The following ADAMTSL1 variants were observed in gnomAD, a reference collection of about 807,000 sequenced individuals.
ADAMTSL1 encodes ADAMTS like 1.
In ADAMTSL1, 126 loss-of-function variants were observed where a neutral mutation model predicts 201.8. The ratio of observed to expected loss-of-function variants is 0.62; its 90% confidence interval spans 0.54 to 0.72. The LOEUF is 0.72. ADAMTSL1 is among the 30% of genes least tolerant of loss of function. The pLI, the probability that ADAMTSL1 is intolerant of heterozygous loss-of-function variation, is 0.00. For synonymous variants in ADAMTSL1, 1,121 were observed against 903.4 expected, an observed-to-expected ratio of 1.24 and a Z score of -4.32; for missense variants, 2,679 against 2,277.8, an observed-to-expected ratio of 1.18 and a Z score of -3.59.
intron 2 of ADAMTSL1, among the ~76,000 whole-genome samples, chr9:18,221,758 C>T (rs1289953086): frequency 6.6e-6 from 1 of 151,892 alleles, no homozygotes; most frequent in Non-Finnish European, 1.5e-5. Flanking sequence ...TGTGTGTTAT[C>T]CAGTTGTTGC....
intron 21 of ADAMTSL1, among the ~76,000 whole-genome samples, chr9:18,818,316 C>T (rs1220400887): frequency 1.3e-5 from 2 of 152,110 alleles, no homozygotes; most frequent in South Asian, 2.1e-4. Context: ...AGTGGCACCC[C>T]CATGCTTTGG....
At position 18,011,476 on chromosome 9, in the gene ADAMTSL1, C is replaced by T. The variant is rs572226183; in HGVS notation, c.87+104554C>T. 2.6e-5 allele frequency among the ~76,000 whole-genome samples: 4 copies of T among 152,060 alleles called. No individual in the cohort carries two copies. The South Asian group carries it at 6.2e-4, about 24-fold the overall frequency. ...GCCTAGGAGAGGATGGAAGATGGCA[C>T]GGAACCGCCCCAGCACTGATGCTGA... On this transcript the variant is annotated intron_variant, in intron 1 of 29. Coordinates refer to the ADAMTSL1 transcript ENST00000680146.
chr9:18,269,121 C>T (rs915815881), intron 2 of ADAMTSL1, among the ~76,000 whole-genome samples: 6 of 152,030 alleles, frequency 3.9e-5, no homozygotes, highest in Non-Finnish European at 5.9e-5. Flanking sequence ...ATTTACCTAA[C>T]CATGATAAAT....
intron 13 of ADAMTSL1, 33 bp downstream of exon 13, chr9:18,684,833 T>G (rs2507121): frequency 0.014 from 22,087 of 1,580,722 alleles, 222 homozygotes; most frequent in Non-Finnish European, 0.017. Context: ...GTTCTATATT[T>G]GAAACTGTTT....
At chr9:18,386,649 A>G (rs529325839) in intron 2 of ADAMTSL1, among the ~76,000 whole-genome samples, 1 of 152,198 alleles carries the variant, frequency 6.6e-6, no homozygotes, top group Non-Finnish European at 1.5e-5. Context: ...TTATATGCTT[A>G]CCTAATAATC....
At chr9:17,912,903 T>C (rs889071480) in intron 1 of ADAMTSL1, among the ~76,000 whole-genome samples, 6 of 152,076 alleles carry the variant, frequency 3.9e-5, no homozygotes, top group Non-Finnish European at 8.8e-5. Flanking sequence ...TTTCTACATA[T>C]GGCTAGCCAG....
chr9:18,178,211 T>G (rs1052179063), intron 2 of ADAMTSL1, among the ~76,000 whole-genome samples: 8 of 152,160 alleles, frequency 5.3e-5, no homozygotes, highest in African/African-American at 1.4e-4. Context: ...TTGCCTCACT[T>G]GGGAAGCACA....
intron 1 of ADAMTSL1, among the ~76,000 whole-genome samples, chr9:17,936,368 C>A (rs936083722): frequency 1.3e-5 from 2 of 152,114 alleles, no homozygotes; most frequent in Non-Finnish European, 2.9e-5. Context: ...GATTGCATTA[C>A]CCCTAACATC....
chr9:18,007,048 A>C (rs1421204499), intron 1 of ADAMTSL1, among the ~76,000 whole-genome samples: 1 of 152,064 alleles, frequency 6.6e-6, no homozygotes, highest in Admixed American at 6.6e-5. Context: ...CCCCATTTTC[A>C]AATGTTTAAA....
intron 2 of ADAMTSL1, among the ~76,000 whole-genome samples, chr9:18,212,209 C>G (rs1246969111): frequency 5.3e-5 from 8 of 152,036 alleles, no homozygotes; most frequent in African/African-American, 1.9e-4. Flanking sequence ...ACTCCTGGTC[C>G]CCTTGAAGAA....
chr9:18,290,205 C>T (rs1474027582), intron 2 of ADAMTSL1, among the ~76,000 whole-genome samples: 1 of 152,144 alleles, frequency 6.6e-6, no homozygotes, highest in Non-Finnish European at 1.5e-5. Flanking sequence ...AGTGCCTATA[C>T]AGCACTCATC....
At chr9:18,050,183 C>T (rs1390010683) in intron 1 of ADAMTSL1, among the ~76,000 whole-genome samples, 1 of 152,050 alleles carries the variant, frequency 6.6e-6, no homozygotes, top group Non-Finnish European at 1.5e-5. Context: ...CATAAAATGT[C>T]CTGCTTAAAC....
At chr9:18,646,704 A>G (rs374437502) in intron 7 of ADAMTSL1, among the ~76,000 whole-genome samples, 4 of 151,946 alleles carry the variant, frequency 2.6e-5, no homozygotes, top group African/African-American at 4.8e-5. Flanking sequence ...ATTGATTTGC[A>G]TATATTGAAC....
chr9:18,267,212 C>T (rs2132558196), intron 2 of ADAMTSL1, among the ~76,000 whole-genome samples: 1 of 152,298 alleles, frequency 6.6e-6, no homozygotes, highest in Middle Eastern at 3.4e-3. Flanking sequence ...AAGTTAGTTG[C>T]AGTGTCATTT....
At chr9:18,687,697 A>G (rs1362137170) in intron 13 of ADAMTSL1, among the ~76,000 whole-genome samples, 1 of 152,240 alleles carries the variant, frequency 6.6e-6, no homozygotes, top group Non-Finnish European at 1.5e-5. Context: ...CTTTTAGTAA[A>G]CCCAAAATGT....
At chr9:18,043,532 T>C (rs995486604) in intron 1 of ADAMTSL1, among the ~76,000 whole-genome samples, 1 of 152,058 alleles carries the variant, frequency 6.6e-6, no homozygotes, top group Non-Finnish European at 1.5e-5. Context: ...AAACTGCAAT[T>C]ATTTGTTCAC....
rs763380687 is a variant in ADAMTSL1 at position 18,721,591 on chromosome 9, G to A, written c.1932G>A (p.Glu644=). Residue 644 remains glutamate, a synonymous_variant, in exon 15 of 29, where the codon GAG becomes GAA. Transcript: ENST00000380548. ...CLNKQTREPA[E]ENLCVTSRRP... ...ACAAACAGACTCGGGAGCCTGCTGA[G>A]GAGAACCTGTGCGTGACCAGCCGCC... The A allele has an allele frequency of 2.5e-6, 4 of 1,613,972 alleles. No homozygotes were observed. The highest frequency in any genetic ancestry group is 2.5e-6 in the Non-Finnish European group (3 of 1,179,884).
rs55807025 is a variant in ADAMTSL1, at chr9:18,444,038, A to C, written c.208-60791A>C. Reference sequence around the variant, plus strand: ...AGGAACAACTATGTTACTAGCATTTACTATAGAAATGATATTGTTTTTGTG... The same window carrying C: ...AGGAACAACTATGTTACTAGCATTTCCTATAGAAATGATATTGTTTTTGTG... On this transcript the variant is annotated intron_variant, in intron 2 of 29. Coordinates refer to the ADAMTSL1 transcript ENST00000680146. 1.7e-3 allele frequency among the ~76,000 whole-genome samples: 263 copies of C among 152,342 alleles called. 1 individual carries two copies. The highest frequency in any genetic ancestry group is 6.1e-3 in the African/African-American group (252 of 41,588).
At chr9:18,788,290 C>T (rs964156331) in intron 19 of ADAMTSL1, among the ~76,000 whole-genome samples, 7 of 152,060 alleles carry the variant, frequency 4.6e-5, no homozygotes, top group Non-Finnish European at 8.8e-5. Context: ...ATTCCTTTTG[C>T]CTCCCGTTTG....
Sources: gnomAD v4.1 joint callset for allele counts (sites outside exome capture counted in the v4.1 genomes callset) on GRCh38, gnomAD v4.1.1 for gene constraint, MANE v1.5 for transcripts, NCBI Gene and HGNC (gene_info 2026-07-23, HGNC 2026-07-21) for gene names.